The following DOK6 variants were observed in gnomAD, a reference collection of about 807,000 sequenced individuals.
The protein encoded by DOK6 is docking protein 6, also known as downstream of tyrosine kinase 6.
Under a neutral mutation model 44.0 loss-of-function variants are expected in DOK6, and 22 were observed. That is an observed-to-expected ratio of 0.50 (90% CI 0.36 to 0.71). The LOEUF is 0.71. DOK6 is among the 30% of genes least tolerant of loss of function. DOK6 has a pLI of 0.00. For synonymous variants in DOK6, 166 were observed against 145.5 expected, an observed-to-expected ratio of 1.14 and a Z score of -1.01; for missense variants, 340 against 416.4, an observed-to-expected ratio of 0.82 and a Z score of 1.60.
At chr18:69,824,429 C>CTCCTCCTGGGCTCAAGCAA in intron 7 of DOK6, among the ~76,000 whole-genome samples, 1 of 151,482 alleles carries the variant, frequency 6.6e-6, no homozygotes, top group Admixed American at 6.6e-5. Flanking sequence ...CAGCCTCAAC[C>CTCCTCCTGGGCTCAAGCAA]TCCTCCTGGG....
intron 3 of DOK6, among the ~76,000 whole-genome samples, chr18:69,654,627 A>T (rs1453995682): frequency 6.6e-6 from 1 of 152,254 alleles, no homozygotes; most frequent in Non-Finnish European, 1.5e-5. Flanking sequence ...TCTTATGAAT[A>T]TCATATCCCA....
Position 69,698,230 on chromosome 18 carries a change from C to T in DOK6, c.410-174C>T, listed in dbSNP as rs111587816. On this transcript the variant is annotated intron_variant, in intron 4 of 7. Coordinates refer to ENST00000382713, the MANE Select transcript of DOK6 (RefSeq NM_152721.6). The stretch of plus-strand genomic sequence containing the variant: ...ATGATTCAGAACACTTTAATGAACT[C>T]CTTTTCTCATACAAATTTTGAAATA... 6.1e-3 allele frequency among the ~76,000 whole-genome samples: 929 copies of T among 152,282 alleles called. 7 individuals carry two copies. The highest frequency in any genetic ancestry group is 0.014 in the Middle Eastern group (4 of 294).
chr18:69,761,827 C>T (rs1290833859), intron 7 of DOK6, among the ~76,000 whole-genome samples: 1 of 152,014 alleles, frequency 6.6e-6, no homozygotes, highest in Non-Finnish European at 1.5e-5. Flanking sequence ...GTCATGTGGA[C>T]CAAATATGTT....
intron 1 of DOK6, among the ~76,000 whole-genome samples, chr18:69,466,861 T>C (rs1427154387): frequency 6.6e-6 from 1 of 152,074 alleles, no homozygotes; most frequent in East Asian, 1.9e-4. Flanking sequence ...CTCTTCTGTG[T>C]CCGTAATGAA....
At chr18:69,648,213 G>A (rs889560343) in intron 3 of DOK6, among the ~76,000 whole-genome samples, 2 of 152,070 alleles carry the variant, frequency 1.3e-5, no homozygotes, top group African/African-American at 4.8e-5. Context: ...TACTATAATT[G>A]TTGAAGAAAA....
intron 1 of DOK6, among the ~76,000 whole-genome samples, chr18:69,502,268 G>A (rs1981068946): frequency 6.6e-6 from 1 of 151,910 alleles, no homozygotes; most frequent in South Asian, 2.1e-4. Flanking sequence ...AAATTTAGCG[G>A]AATATATTCA....
intron 6 of DOK6, among the ~76,000 whole-genome samples, chr18:69,740,312 G>C (rs1978759730): frequency 6.6e-6 from 1 of 152,146 alleles, no homozygotes; most frequent in Non-Finnish European, 1.5e-5. Context: ...TGTTTTTCTA[G>C]CGATTAAAAT....
intron 1 of DOK6, among the ~76,000 whole-genome samples, chr18:69,547,138 G>A (rs542941145): frequency 2.6e-5 from 4 of 151,602 alleles, no homozygotes; most frequent in East Asian, 3.9e-4. Flanking sequence ...GTCTCACTCT[G>A]TTGCCAGGCT....
intron 7 of DOK6, among the ~76,000 whole-genome samples, chr18:69,759,775 G>C (rs1247399682): frequency 6.6e-6 from 1 of 152,184 alleles, no homozygotes; most frequent in Non-Finnish European, 1.5e-5. Flanking sequence ...TTGCAGCAAA[G>C]TTAAAGGCTT....
intron 7 of DOK6, among the ~76,000 whole-genome samples, chr18:69,789,311 T>C (rs965159093): frequency 3.9e-5 from 6 of 152,138 alleles, no homozygotes; most frequent in Non-Finnish European, 8.8e-5. Flanking sequence ...AAATACCTTT[T>C]ATAGGACCTT....
At chr18:69,626,878 C>T (rs561673122) in intron 3 of DOK6, among the ~76,000 whole-genome samples, 1 of 152,260 alleles carries the variant, frequency 6.6e-6, no homozygotes, top group Non-Finnish European at 1.5e-5. Flanking sequence ...GTTATAGTTA[C>T]CAGTTTTCTA....
intron 4 of DOK6, among the ~76,000 whole-genome samples, chr18:69,686,605 G>T (rs1265278248): frequency 1.3e-5 from 2 of 152,036 alleles, no homozygotes; most frequent in African/African-American, 4.8e-5. Flanking sequence ...CCCATCTGCT[G>T]TAATGGAAAC....
chr18:69,506,146 A>G (rs1981180277), intron 1 of DOK6, among the ~76,000 whole-genome samples: 1 of 152,088 alleles, frequency 6.6e-6, no homozygotes, highest in Non-Finnish European at 1.5e-5. Context: ...ATTTTCTCCA[A>G]TTTATCTTCT....
intron 1 of DOK6, among the ~76,000 whole-genome samples, chr18:69,415,987 G>A (rs1187392992): frequency 1.3e-5 from 2 of 151,822 alleles, no homozygotes; most frequent in African/African-American, 4.8e-5. Context: ...ATAATTATGG[G>A]CATATTTAAC....
intron 3 of DOK6, among the ~76,000 whole-genome samples, chr18:69,618,370 G>T (rs1984362276): frequency 6.6e-6 from 1 of 152,206 alleles, no homozygotes; most frequent in Non-Finnish European, 1.5e-5. Context: ...AGGCAAACAA[G>T]AAATGATGAA....
intron 1 of DOK6, among the ~76,000 whole-genome samples, chr18:69,521,530 T>C (rs575856542): frequency 2.0e-5 from 3 of 151,850 alleles, no homozygotes; most frequent in Non-Finnish European, 4.4e-5. Flanking sequence ...GTCAACACAG[T>C]ATTTTAAGTC....
intron 3 of DOK6, among the ~76,000 whole-genome samples, chr18:69,613,600 A>C (rs974000554): frequency 2.0e-5 from 3 of 152,168 alleles, no homozygotes; most frequent in East Asian, 3.8e-4. Flanking sequence ...GGATCCAAAA[A>C]AATAGATGAA....
chr18:69,412,776 C>A (rs1673742434), intron 1 of DOK6, among the ~76,000 whole-genome samples: 1 of 152,080 alleles, frequency 6.6e-6, no homozygotes, highest in Non-Finnish European at 1.5e-5. Context: ...GTGAAGGTAG[C>A]AAATAAGGTC....
intron 5 of DOK6, among the ~76,000 whole-genome samples, chr18:69,704,540 G>T (rs559855869): frequency 6.7e-6 from 1 of 148,410 alleles, no homozygotes; most frequent in African/African-American, 2.5e-5. Flanking sequence ...GTGCAGTGGC[G>T]CAATCTCGGC....
Sources: gnomAD v4.1 joint callset for allele counts (sites outside exome capture counted in the v4.1 genomes callset) on GRCh38, gnomAD v4.1.1 for gene constraint, MANE v1.5 for transcripts, NCBI Gene and HGNC (gene_info 2026-07-23, HGNC 2026-07-21) for gene names.